The following HUWE1 variants were observed in gnomAD, a reference collection of about 807,000 sequenced individuals.
HUWE1 encodes E3 ubiquitin-protein ligase HUWE1.
A neutral mutation model predicts 299.4 loss-of-function variants in HUWE1; 18 were observed. That is an observed-to-expected ratio of 0.06 (90% CI 0.04 to 0.09). The LOEUF (loss-of-function observed/expected upper bound fraction) is 0.09. Among genes scored for constraint, HUWE1 ranks in the 10% least tolerant of loss-of-function variants. The probability of loss-of-function intolerance (pLI) is 1.00; values close to 1 mark genes in which losing one functional copy is unlikely to be tolerated. For missense variants in HUWE1, 1,832 were observed against 3,462.3 expected (o/e 0.53, Z 11.82); for synonymous variants, 1,317 against 1,286.1 (o/e 1.02, Z -0.51).
intron 65 of HUWE1, 61 bp from the exon 66 acceptor site, chrX:53,550,829 T>C: frequency 8.4e-7 from 1 of 1,196,840 alleles, no homozygotes; most frequent in Non-Finnish European, 1.1e-6. Flanking sequence ...ATATAGGTAA[T>C]ACAAAGGTAA....
chrX:53,629,689 G>T lies in HUWE1; in HGVS notation c.863-73C>A, dbSNP rs1003917302. 1.1e-5 allele frequency: 7 copies of T among 623,819 alleles called. No individual in the cohort carries two copies. In the East Asian group the frequency reaches 2.0e-4, roughly 18 times the overall value. The allele number at this position is 623,819 out of a possible 1,213,427, so 51.4% of individuals were successfully genotyped here. ...CCACTGCCCAATAACAAACTTTTTG[G>T]TATCTATAGGTTCTGGGGAAGAATT... On this transcript the variant is annotated intron_variant, in intron 12 of 83. Transcript: ENST00000262854.
At chrX:53,558,580 G>C in intron 59 of HUWE1, 75 bp downstream of exon 59, 1 of 986,844 alleles carries the variant, frequency 1.0e-6, no homozygotes, top group South Asian at 1.9e-5. Flanking sequence ...AGTGATTCCT[G>C]GTGCCATGTG....
chrX:53,595,337 G>A lies in HUWE1; in HGVS notation c.3230C>T (p.Ser1077Phe). Residue 1077 changes from serine (S) to phenylalanine (F), a missense_variant, in exon 30 of 84, where the codon TCT becomes TTT. By Grantham distance (155) the Ser-to-Phe change is radical (BLOSUM62 -2). Coordinates refer to ENST00000262854, the MANE Select transcript of HUWE1 (RefSeq NM_031407.7). Reference protein sequence around the residue: ...FGLLVKLCVGSPVRQRRSHHA... With the variant: ...FGLLVKLCVGFPVRQRRSHHA... Reference sequence around the variant, plus strand: ...ATGGCTCCTTCTCTGGCGGACAGGAGATCCCACACAAAGTTTAACAAGAAG... The same window carrying A: ...ATGGCTCCTTCTCTGGCGGACAGGAAATCCCACACAAAGTTTAACAAGAAG... The A allele has an allele frequency of 8.3e-7, 1 of 1,211,237 alleles. No individual in the cohort carries two copies. The highest frequency in any genetic ancestry group is 1.1e-6 in the Non-Finnish European group (1 of 895,274).
At chrX:53,592,290 G>A in intron 33 of HUWE1, 108 bp downstream of exon 33, 1 of 593,772 alleles carries the variant, frequency 1.7e-6, no homozygotes, top group Non-Finnish European at 2.9e-6. Flanking sequence ...ACTGTCTCCT[G>A]GTTAATGTGA....
At chrX:53,569,304 C>T (rs1416350086) in intron 48 of HUWE1, among the ~76,000 whole-genome samples, 3 of 112,771 alleles carry the variant, frequency 2.7e-5, no homozygotes, top group Non-Finnish European at 5.6e-5. Flanking sequence ...GGATTACAGA[C>T]GTGAGCCACC....
intron 12 of HUWE1, among the ~76,000 whole-genome samples, chrX:53,630,108 C>T (rs189840491): frequency 1.8e-5 from 2 of 111,648 alleles, no homozygotes; most frequent in East Asian, 2.8e-4. Flanking sequence ...AGGTTAATAC[C>T]GGACACAGTA....
Position 53,569,771 on chromosome X carries a change from T to C in HUWE1, c.6369A>G (p.Ala2123=). The C allele has an allele frequency of 8.2e-7, 1 of 1,212,290 alleles. No homozygotes were observed. Among genetic ancestry groups the C allele is most frequent in the African/African-American group, 1.7e-5 (1 of 57,952 alleles). ...CCAAGGCAGGGGTGTCCTTGTCTTC[T>C]GCATTCTGGGTATGTGGGAGCAGGT... ...LDHLLPHTQN[A]EDKDTPALAR... The change falls in exon 48 of 84, where the codon GCA becomes GCG. Residue 2123 remains alanine (A), a synonymous_variant. Coordinates refer to ENST00000262854, the MANE Select transcript of HUWE1 (RefSeq NM_031407.7).
chrX:53,632,494 T>G lies in HUWE1; in HGVS notation c.638A>C (p.Glu213Ala). 1 of 1,199,103 alleles carries G rather than the reference T, an allele frequency of 8.3e-7. No individual in the cohort carries two copies. Among genetic ancestry groups the G allele is most frequent in the African/African-American group, 1.7e-5 (1 of 57,645 alleles). ...YADPGAEVKI[E>A]KRTTSNTLHY... ...AATCTGAATCAGACTCACCCTTTTCTCAATTTTGACCTCGGCCCCAGGATC... is the reference window on the plus strand; with the variant it reads ...AATCTGAATCAGACTCACCCTTTTCGCAATTTTGACCTCGGCCCCAGGATC... The change falls in exon 9 of 84, where the codon GAG becomes GCG. Residue 213 changes from glutamate to alanine, a missense_variant. Coordinates refer to ENST00000262854, the MANE Select transcript of HUWE1 (RefSeq NM_031407.7).
At chrX:53,662,274 A>G (rs958360608) in intron 3 of HUWE1, among the ~76,000 whole-genome samples, 4 of 111,956 alleles carry the variant, frequency 3.6e-5, no homozygotes, top group Admixed American at 9.5e-5. Flanking sequence ...AATCCCTGCT[A>G]TATCACTTAC....
chrX:53,674,219 A>C (rs1557050361), intron 3 of HUWE1, among the ~76,000 whole-genome samples: 3 of 111,753 alleles, frequency 2.7e-5, no homozygotes, highest in Non-Finnish European at 5.7e-5. Context: ...ATTTCCTACT[A>C]GATTTCTTTT....
At chrX:53,641,244 T>A (rs782671476) in intron 7 of HUWE1, among the ~76,000 whole-genome samples, 15 of 111,880 alleles carry the variant, frequency 1.3e-4, no homozygotes, top group Non-Finnish European at 2.8e-4. Context: ...CTGCAAGACT[T>A]GGCTTAATCA....
intron 34 of HUWE1, 28 bp from the exon 35 acceptor site, chrX:53,590,527 G>A: frequency 2.8e-6 from 3 of 1,056,111 alleles, no homozygotes; most frequent in Non-Finnish European, 4.0e-6. Flanking sequence ...TATCCAGTAA[G>A]GATACACACT....
chrX:53,625,247 T>G lies in HUWE1; in HGVS notation c.1501A>C (p.Ile501Leu). 5 of 1,180,412 alleles carry G rather than the reference T, an allele frequency of 4.2e-6. No individual in the cohort carries two copies. Among genetic ancestry groups the G allele is most frequent in the Non-Finnish European group, 5.8e-6 (5 of 866,898 alleles). Residue 501 changes from isoleucine (I) to leucine (L), a missense_variant, in exon 18 of 84, where the codon ATT (isoleucine) becomes CTT (leucine). Physicochemically the swap from Ile to Leu is conservative, Grantham distance 5. Coordinates refer to ENST00000262854, the MANE Select transcript of HUWE1 (RefSeq NM_031407.7). ...METDMDGVQCIPQRAALLKSM... is the reference protein window; with the variant it reads ...METDMDGVQCLPQRAALLKSM... The stretch of plus-strand genomic sequence containing the variant: ...TTCAGAAGTGCTGCTCGTTGTGGAA[T>G]ACACTGGACTCCTGGCAATGAAGAA...
chrX:53,678,089 ATAAAT>A (rs1279564537), intron 3 of HUWE1, among the ~76,000 whole-genome samples: 2 of 112,402 alleles, frequency 1.8e-5, no homozygotes, highest in Non-Finnish European at 3.8e-5. Flanking sequence ...TACATTCATA[ATAAAT>A]TAAAACATTC....
At position 53,583,750 on chromosome X, in the gene HUWE1, A is replaced by G; in HGVS notation, c.5328T>C (p.His1776=). 1 of 1,211,245 alleles carries G rather than the reference A, an allele frequency of 8.3e-7. No individual in the cohort carries two copies. The highest frequency in any genetic ancestry group is 1.1e-6 in the Non-Finnish European group (1 of 895,319). ...LGVPVDPDTL[H]ATLRLCLRLT... is the part of the protein sequence containing the mutation. ...GCCTCAGACAGAGACGAAGGGTGGC[A>G]TGCAAAGTATCTGGGTCCACAGGGA... is the stretch of plus-strand genomic sequence containing the variant. Residue 1776 remains histidine (H), a synonymous_variant, in exon 42 of 84, where the codon CAT becomes CAC. Coordinates refer to ENST00000262854, the MANE Select transcript of HUWE1 (RefSeq NM_031407.7).
intron 3 of HUWE1, among the ~76,000 whole-genome samples, chrX:53,654,989 T>C (rs2068677515): frequency 1.8e-5 from 2 of 111,364 alleles, no homozygotes; most frequent in African/African-American, 3.3e-5. Context: ...CAGAAAACAA[T>C]CATTTTATTA....
At chrX:53,610,660 G>T (rs1557001317) in intron 23 of HUWE1, among the ~76,000 whole-genome samples, 2 of 111,611 alleles carry the variant, frequency 1.8e-5, no homozygotes, top group Admixed American at 1.9e-4. Context: ...TTTTTGGGAT[G>T]GGGGGATGGT....
intron 75 of HUWE1, among the ~76,000 whole-genome samples, chrX:53,539,320 T>TAA (rs34154526): frequency 0.01 from 553 of 52,739 alleles, 11 homozygotes; most frequent in Non-Finnish European, 0.013. Context: ...ATTTCTGATT[T>TAA]AAAAAAAAAA....
chrX:53,677,863 A>C (rs2069911945), intron 3 of HUWE1, among the ~76,000 whole-genome samples: 1 of 111,650 alleles, frequency 9.0e-6, no homozygotes, highest in Non-Finnish European at 1.9e-5. Flanking sequence ...CAATCTTTTA[A>C]ATCTAAATGG....
Sources: allele counts gnomAD v4.1 joint callset (sites outside exome capture counted in the v4.1 genomes callset), GRCh38; gene constraint gnomAD v4.1.1; transcripts MANE v1.5; gene names NCBI Gene and HGNC (gene_info 2026-07-23, HGNC 2026-07-21).